Variants in STK33 observed in about 807,000 individuals in gnomAD.
STK33 encodes the protein serine/threonine-protein kinase 33.
In STK33, 52 loss-of-function variants were observed where a neutral mutation model predicts 58.0. That is an observed-to-expected ratio of 0.90 (90% CI 0.72 to 1.13). The LOEUF (loss-of-function observed/expected upper bound fraction) is 1.13, where lower values mean the gene tolerates loss of function less well. STK33 is among the 50% of genes most tolerant of loss of function. The probability of loss-of-function intolerance (pLI) is 0.00; values close to 1 mark genes in which losing one functional copy is unlikely to be tolerated. For synonymous variants in STK33, 215 were observed against 200.1 expected, an observed-to-expected ratio of 1.07 and a Z score of -0.63; for missense variants, 630 against 604.2, an observed-to-expected ratio of 1.04 and a Z score of -0.45.
intron 15 of STK33, among the ~76,000 whole-genome samples, chr11:8,397,520 A>G (rs552182034): frequency 3.9e-5 from 6 of 152,342 alleles, no homozygotes; most frequent in African/African-American, 1.4e-4. Flanking sequence ...GAAAAACCAG[A>G]GCAGAAAAAC....
Position 8,590,819 on chromosome 11 carries a change from G to A in STK33, c.-466+3264C>T, listed in dbSNP as rs151234813. 2.8e-3 allele frequency among the ~76,000 whole-genome samples: 419 copies of A among 152,230 alleles called. 2 individuals are homozygous for A. Among genetic ancestry groups the A allele is most frequent in the Non-Finnish European group, 3.9e-3 (265 of 68,000 alleles). ...CAGTTAGCCTCACTCATATATACTG[G>A]AGTTCAGCAGGAAAGGAAATTCTTT... On this transcript the variant is annotated intron_variant, in intron 1 of 15. Coordinates refer to ENST00000687296, the MANE Select transcript of STK33 (RefSeq NM_001352389.2).
chr11:8,399,784 G>T (rs1331057380), intron 15 of STK33, among the ~76,000 whole-genome samples: 3 of 152,152 alleles, frequency 2.0e-5, no homozygotes, highest in South Asian at 2.1e-4. Flanking sequence ...TGATAAAGGG[G>T]ATATCACCAC....
the STK33 span, among the ~76,000 whole-genome samples, chr11:8,347,321 T>A: frequency 6.6e-6 from 1 of 152,188 alleles, no homozygotes; most frequent in Non-Finnish European, 1.5e-5. Flanking sequence ...CCCACTTAGG[T>A]GCTGAGTCCT....
At chr11:8,401,260 C>G (rs1001613688) in intron 15 of STK33, among the ~76,000 whole-genome samples, 9 of 152,028 alleles carry the variant, frequency 5.9e-5, no homozygotes, top group African/African-American at 1.9e-4. Context: ...GGTACTGGTA[C>G]CAAAACAGAG....
the STK33 span, among the ~76,000 whole-genome samples, chr11:8,375,100 A>G: frequency 1.3e-5 from 2 of 152,244 alleles, no homozygotes; most frequent in Non-Finnish European, 2.9e-5. Flanking sequence ...GCTCCCACAG[A>G]AATGCACACT....
the STK33 span, among the ~76,000 whole-genome samples, chr11:8,357,344 T>G: frequency 2.6e-5 from 4 of 152,002 alleles, no homozygotes; most frequent in African/African-American, 9.7e-5. Context: ...GAGCCAGGAG[T>G]CAGGGCCCAG....
chr11:8,547,928 C>T (rs1191072515), intron 1 of STK33, among the ~76,000 whole-genome samples: 8 of 150,668 alleles, frequency 5.3e-5, no homozygotes, highest in Admixed American at 2.0e-4. Context: ...AACCAAACAC[C>T]GCATGTTCTC....
intron 11 of STK33, among the ~76,000 whole-genome samples, chr11:8,452,529 C>G (rs1946406265): frequency 6.6e-6 from 1 of 152,100 alleles, no homozygotes; most frequent in African/African-American, 2.4e-5. Flanking sequence ...AGCCTGTAAT[C>G]CCAACACTTG....
At chr11:8,521,127 A>T (rs1013099390) in intron 1 of STK33, among the ~76,000 whole-genome samples, 19 of 152,012 alleles carry the variant, frequency 1.2e-4, no homozygotes, top group Non-Finnish European at 2.5e-4. Flanking sequence ...GGAAAAAACT[A>T]CTTTAAAGTT....
rs538541413 is a variant in STK33, at chr11:8,561,987, C to T, written c.-466+32096G>A. Among the ~76,000 whole-genome samples the T allele has an allele frequency of 2.2e-4, 34 of 152,208 alleles. 1 individual carries two copies. In the South Asian group the frequency reaches 6.8e-3, roughly 31 times the overall value. On this transcript the variant is annotated intron_variant, in intron 1 of 15. Coordinates refer to ENST00000687296, the MANE Select transcript of STK33 (RefSeq NM_001352389.2). ...TCCCACAAGGCACAGAACATGGCTG[C>T]CAACAGCTATAAAGCCTCACATCCT... is the stretch of plus-strand genomic sequence containing the variant.
intron 9 of STK33, 70 bp from the exon 10 acceptor site, chr11:8,454,902 A>G: frequency 7.3e-7 from 1 of 1,377,142 alleles, no homozygotes; most frequent in South Asian, 1.5e-5. Context: ...CATATAGATT[A>G]AATATATTTG....
chr11:8,347,585 G>A, the STK33 span, among the ~76,000 whole-genome samples: 3 of 152,078 alleles, frequency 2.0e-5, no homozygotes. Context: ...GAGCGCTATG[G>A]AGGGTTTCAC....
At chr11:8,377,591 A>G in the STK33 span, among the ~76,000 whole-genome samples, 2 of 152,204 alleles carry the variant, frequency 1.3e-5, no homozygotes, top group Non-Finnish European at 2.9e-5. Context: ...CACCACTTCT[A>G]TTCAATATAG....
chr11:8,426,589 G>A (rs1942798922), intron 14 of STK33, among the ~76,000 whole-genome samples: 1 of 152,170 alleles, frequency 6.6e-6, no homozygotes, highest in African/African-American at 2.4e-5. Context: ...TGCCCAGCCT[G>A]TTTTCTCTAT....
intron 14 of STK33, among the ~76,000 whole-genome samples, chr11:8,433,035 A>G (rs571793660): frequency 6.6e-6 from 1 of 152,364 alleles, no homozygotes; most frequent in African/African-American, 2.4e-5. Flanking sequence ...GATGCTGAAA[A>G]GAGATAAATT....
intron 1 of STK33, among the ~76,000 whole-genome samples, chr11:8,562,399 G>T (rs1038828450): frequency 6.6e-6 from 1 of 151,874 alleles, no homozygotes. Context: ...GGCTTCCTTG[G>T]GGATTTTCCA....
chr11:8,586,476 T>C (rs1162290182), intron 1 of STK33, among the ~76,000 whole-genome samples: 2 of 151,942 alleles, frequency 1.3e-5, no homozygotes, highest in Non-Finnish European at 2.9e-5. Context: ...CTCCTCCATC[T>C]CCCTTCACAC....
intron 15 of STK33, among the ~76,000 whole-genome samples, chr11:8,397,352 G>A (rs904230636): frequency 2.0e-5 from 3 of 152,178 alleles, no homozygotes; most frequent in Non-Finnish European, 4.4e-5. Flanking sequence ...AGGCAAACAG[G>A]GTCTGGAGTG....
chr11:8,508,473 T>C (rs1385485310), intron 1 of STK33, among the ~76,000 whole-genome samples: 2 of 151,994 alleles, frequency 1.3e-5, no homozygotes, highest in Admixed American at 1.3e-4. Context: ...AGTCTCCCTA[T>C]GTTGCCCAGG....
Sources: allele counts gnomAD v4.1 joint callset (sites outside exome capture counted in the v4.1 genomes callset), GRCh38; gene constraint gnomAD v4.1.1; transcripts MANE v1.5; gene names NCBI Gene and HGNC (gene_info 2026-07-23, HGNC 2026-07-21).